SPATA31C1: variants seen among roughly 807,000 people sequenced by gnomAD.
The protein encoded by SPATA31C1 is SPATA31 subfamily C member 1.
chr9:87,915,897 G>A (rs1441250155), intron 1 of SPATA31C1, among the ~76,000 whole-genome samples: 5 of 144,670 alleles, frequency 3.5e-5, no homozygotes, highest in African/African-American at 1.0e-4. Context: ...TTGTTGAGCT[G>A]TATTATAGAA....
exon 5 of SPATA31C1, chr9:87,920,550 C>G (rs1828824497): frequency 6.2e-7 from 1 of 1,613,800 alleles, no homozygotes; most frequent in East Asian, 2.2e-5. Context: ...GCCACCTGCA[C>G]TTTTCCCTCA....
At position 87,921,319 on chromosome 9, in the gene SPATA31C1, A is replaced by C. The variant is rs778362548; in HGVS notation, n.1709A>C. 4 of 1,612,026 alleles carry C rather than the reference A, an allele frequency of 2.5e-6. No homozygotes were observed. The Admixed American group carries it at 6.7e-5, about 27-fold the overall frequency. On this transcript the variant is annotated non_coding_transcript_exon_variant, in exon 5 of 5. Coordinates refer to ENST00000420021, the Ensembl canonical transcript of SPATA31C1. ...ATGGGGCAACGTGGAAGGATCCAAG[A>C]GTCTCTGGATCTGATGCAGCTTCAG... is the stretch of plus-strand genomic sequence containing the variant.
chr9:87,919,345 A>T (rs759693741), exon 3 of SPATA31C1: 1 of 1,602,502 alleles, frequency 6.2e-7, no homozygotes, highest in African/African-American at 1.3e-5. Flanking sequence ...CCACAGTCTG[A>T]GAGGTAAGGC....
exon 5 of SPATA31C1, chr9:87,920,329 G>A (rs775325068): frequency 6.2e-7 from 1 of 1,613,978 alleles, no homozygotes; most frequent in South Asian, 1.1e-5. Flanking sequence ...GTGGGCAAAA[G>A]AACACCTGAT....
At position 87,915,948 on chromosome 9, in the gene SPATA31C1, C is replaced by G. The variant is rs966870408; in HGVS notation, n.189+1238C>G. 3.5e-5 allele frequency among the ~76,000 whole-genome samples: 5 copies of G among 142,836 alleles called. 1 individual carries two copies. Among genetic ancestry groups the G allele is most frequent in the African/African-American group, 1.3e-4 (5 of 39,266 alleles). 93.7% of individuals were successfully genotyped at this position (142,836 alleles called of 152,430 possible). A position where few individuals can be genotyped will look rare whatever the true frequency, so the allele number is the denominator to read the frequency against. On this transcript the variant is annotated intron_variant and non_coding_transcript_variant, in intron 1 of 4. Coordinates refer to ENST00000420021, the Ensembl canonical transcript of SPATA31C1. Reference sequence around the variant, plus strand: ...ACCTGTTAAAAAATAGTAAGACAAACGTTATTCAGAGGGATTATTGCAATA... The same window carrying G: ...ACCTGTTAAAAAATAGTAAGACAAAGGTTATTCAGAGGGATTATTGCAATA...
rs765675466 is a variant in SPATA31C1 at position 87,922,538 on chromosome 9, T to G, written n.2928T>G. 1.9e-6 allele frequency: 3 copies of G among 1,610,744 alleles called. No individual in the cohort carries two copies. The South Asian group carries it at 3.3e-5, about 18-fold the overall frequency. The stretch of plus-strand genomic sequence containing the variant: ...TGGCCACGAAGTCAGAGACCCAGCC[T>G]CAAGTTTCTGCCGCTGTTGTGCTCC... On this transcript the variant is annotated non_coding_transcript_exon_variant, in exon 5 of 5. Coordinates refer to ENST00000420021, the Ensembl canonical transcript of SPATA31C1.
At chr9:87,920,326 A>G in exon 5 of SPATA31C1, 1 of 1,613,964 alleles carries the variant, frequency 6.2e-7, no homozygotes, top group South Asian at 1.1e-5. Context: ...GAGGTGGGCA[A>G]AAGAACACCT....
At chr9:87,922,554 G>A in exon 5 of SPATA31C1, 2 of 1,610,432 alleles carry the variant, frequency 1.2e-6, no homozygotes, top group Non-Finnish European at 1.7e-6. Flanking sequence ...TTCTGCCGCT[G>A]TTGTGCTCCT....
chr9:87,915,368 T>G (rs1828692762), intron 1 of SPATA31C1, among the ~76,000 whole-genome samples: 1 of 144,536 alleles, frequency 6.9e-6, no homozygotes. Context: ...AATGGAGCGA[T>G]ACCGGCTCAG....
chr9:87,923,149 C>A (rs776498663), exon 5 of SPATA31C1: 4 of 1,603,278 alleles, frequency 2.5e-6, no homozygotes, highest in Non-Finnish European at 2.6e-6. Flanking sequence ...GCGCGCCATG[C>A]CTCGAAGGTA....
intron 2 of SPATA31C1, 39 bp from the exon 2 acceptor site, chr9:87,919,216 A>T: frequency 6.9e-7 from 1 of 1,453,532 alleles, no homozygotes; most frequent in Non-Finnish European, 9.1e-7. Context: ...GCAGAGAGGG[A>T]GAGCCGGTCC....
At chr9:87,922,152 A>C (rs1828892070) in exon 5 of SPATA31C1, 2 of 1,613,470 alleles carry the variant, frequency 1.2e-6, no homozygotes, top group African/African-American at 1.3e-5. Flanking sequence ...GCAGTTCCAG[A>C]GGGCCCCGCG....
exon 5 of SPATA31C1, chr9:87,921,946 T>C: frequency 1.2e-6 from 2 of 1,612,318 alleles, no homozygotes; most frequent in Non-Finnish European, 8.5e-7. Flanking sequence ...TGCTTTCAAC[T>C]GGAAAAGGTT....
intron 4 of SPATA31C1, 118 bp downstream of exon 3, chr9:87,920,094 A>C: frequency 1.2e-6 from 2 of 1,607,564 alleles, no homozygotes; most frequent in Non-Finnish European, 1.7e-6. Context: ...GGATGGGAGT[A>C]AAGCCCTGGG....
chr9:87,920,764 A>T (rs368119608), exon 5 of SPATA31C1: 2 of 1,613,920 alleles, frequency 1.2e-6, no homozygotes, highest in Non-Finnish European at 1.7e-6. Flanking sequence ...GGCGGCTCAA[A>T]CAGTCAAGTT....
At chr9:87,920,109 G>A in intron 4 of SPATA31C1, 133 bp downstream of exon 3, 6 of 1,604,220 alleles carry the variant, frequency 3.7e-6, no homozygotes, top group Non-Finnish European at 5.1e-6. Flanking sequence ...CCTGGGGCGA[G>A]GGGTAGCAGG....
intron 2 of SPATA31C1, 34 bp from the exon 2 acceptor site, chr9:87,919,221 C>G (rs1228799703): frequency 4.3e-6 from 6 of 1,402,362 alleles, no homozygotes; most frequent in Admixed American, 2.0e-5. Flanking sequence ...GAGGGAGAGC[C>G]GGTCCTAGCT....
chr9:87,920,593 C>G, exon 5 of SPATA31C1: 1 of 1,613,776 alleles, frequency 6.2e-7, no homozygotes, highest in Non-Finnish European at 8.5e-7. Context: ...CTGGCCTGCT[C>G]TCCACCTCCT....
chr9:87,921,740 G>C (rs745868517), exon 5 of SPATA31C1: 29 of 1,611,940 alleles, frequency 1.8e-5, no homozygotes, highest in Non-Finnish European at 2.5e-5. Context: ...CTGTCAACCA[G>C]GCTTTTCCCG....
Sources: gnomAD v4.1 joint callset for allele counts (sites outside exome capture counted in the v4.1 genomes callset) on GRCh38, gnomAD v4.1.1 for gene constraint, MANE v1.5 for transcripts, NCBI Gene and HGNC (gene_info 2026-07-23, HGNC 2026-07-21) for gene names.